SGCZ: variants seen among roughly 807,000 people sequenced by gnomAD.
The protein encoded by SGCZ is sarcoglycan zeta.
A neutral mutation model predicts 41.3 loss-of-function variants in SGCZ; 40 were observed. The observed-to-expected ratio is 0.97, with a 90% CI of 0.75 to 1.26. SGCZ has a LOEUF of 1.26. Among genes scored for constraint, SGCZ ranks in the 50% most tolerant of loss-of-function variants. The pLI is 0.00. For synonymous variants in SGCZ, 206 were observed against 137.5 expected (o/e 1.50, Z -3.49); for missense variants, 552 against 369.8 (o/e 1.49, Z -4.04).
At chr8:14,816,496 T>A (rs1165514990) in intron 1 of SGCZ, among the ~76,000 whole-genome samples, 1 of 152,224 alleles carries the variant, frequency 6.6e-6, no homozygotes, top group Admixed American at 6.5e-5. Flanking sequence ...ACTGTGAAAT[T>A]CAACTTTCTG....
intron 4 of SGCZ, among the ~76,000 whole-genome samples, chr8:14,179,685 A>G (rs1012122760): frequency 2.6e-5 from 4 of 152,204 alleles, no homozygotes; most frequent in African/African-American, 9.6e-5. Context: ...ACAGTCATCA[A>G]ATTCCTGAGA....
At chr8:14,209,586 G>C (rs1409842441) in intron 4 of SGCZ, among the ~76,000 whole-genome samples, 1 of 151,994 alleles carries the variant, frequency 6.6e-6, no homozygotes, top group African/African-American at 2.4e-5. Context: ...TTATGTTTTC[G>C]AAGAATATTT....
intron 4 of SGCZ, among the ~76,000 whole-genome samples, chr8:14,213,752 TTAAA>T (rs1805897179): frequency 6.6e-6 from 1 of 152,156 alleles, no homozygotes; most frequent in Non-Finnish European, 1.5e-5. Flanking sequence ...TACTTAAGAC[TTAAA>T]TATTTGAAGA....
chr8:15,158,558 A>G (rs1799405165), intron 1 of SGCZ, among the ~76,000 whole-genome samples: 2 of 152,234 alleles, frequency 1.3e-5, no homozygotes, highest in Non-Finnish European at 2.9e-5. Flanking sequence ...GCTAAAACCT[A>G]CTGAAGCATA....
At chr8:15,121,812 T>C (rs1563137418) in intron 1 of SGCZ, among the ~76,000 whole-genome samples, 1 of 148,052 alleles carries the variant, frequency 6.8e-6, no homozygotes, top group African/African-American at 2.5e-5. Context: ...AGTGCCAATA[T>C]GAAGGCAGAA....
At chr8:14,426,167 G>A (rs1353559980) in intron 2 of SGCZ, among the ~76,000 whole-genome samples, 1 of 152,072 alleles carries the variant, frequency 6.6e-6, no homozygotes, top group Non-Finnish European at 1.5e-5. Context: ...TAAAAAATAA[G>A]CAAATTTATC....
intron 4 of SGCZ, among the ~76,000 whole-genome samples, chr8:14,181,102 C>G (rs1284590678): frequency 6.6e-6 from 1 of 152,066 alleles, no homozygotes; most frequent in African/African-American, 2.4e-5. Flanking sequence ...AGGCCTGAGG[C>G]CCACAGTAGT....
intron 2 of SGCZ, among the ~76,000 whole-genome samples, chr8:14,345,514 A>C (rs1168581863): frequency 1.3e-5 from 2 of 152,146 alleles, no homozygotes; most frequent in African/African-American, 2.4e-5. Context: ...CAACAAACAC[A>C]TTATCTCTGC....
chr8:14,665,093 T>C (rs1807865913), intron 1 of SGCZ, among the ~76,000 whole-genome samples: 1 of 152,190 alleles, frequency 6.6e-6, no homozygotes, highest in Admixed American at 6.5e-5. Context: ...ATACATGCCA[T>C]GTTGGTGTGC....
At chr8:14,383,379 G>T (rs955939731) in intron 2 of SGCZ, among the ~76,000 whole-genome samples, 1 of 152,200 alleles carries the variant, frequency 6.6e-6, no homozygotes, top group Non-Finnish European at 1.5e-5. Context: ...TTATGGGAAA[G>T]AAGTCTAATG....
intron 1 of SGCZ, among the ~76,000 whole-genome samples, chr8:14,998,491 C>T (rs1199650831): frequency 1.3e-5 from 2 of 151,810 alleles, no homozygotes; most frequent in African/African-American, 4.8e-5. Context: ...TACCTATATG[C>T]AGTGCATTTC....
At chr8:14,121,438 A>G (rs902405692) in intron 5 of SGCZ, among the ~76,000 whole-genome samples, 2 of 152,120 alleles carry the variant, frequency 1.3e-5, no homozygotes, top group Non-Finnish European at 2.9e-5. Flanking sequence ...ATAGAAAATA[A>G]TGCTCTTTTT....
intron 1 of SGCZ, among the ~76,000 whole-genome samples, chr8:15,117,843 C>T (rs1421845138): frequency 2.0e-5 from 3 of 152,176 alleles, no homozygotes; most frequent in Non-Finnish European, 4.4e-5. Flanking sequence ...GGCCAAAAAT[C>T]TCCACGTATT....
intron 2 of SGCZ, among the ~76,000 whole-genome samples, chr8:14,356,498 G>T (rs1420860321): frequency 6.6e-6 from 1 of 152,020 alleles, no homozygotes; most frequent in African/African-American, 2.4e-5. Context: ...AAATCTAGAG[G>T]ACTAAAATGT....
intron 4 of SGCZ, among the ~76,000 whole-genome samples, chr8:14,220,051 T>C (rs1167880586): frequency 6.6e-6 from 1 of 152,178 alleles, no homozygotes; most frequent in Non-Finnish European, 1.5e-5. Context: ...TGACTTAACA[T>C]TGACGGTCCA....
At chr8:14,436,306 A>C (rs1563327982) in intron 2 of SGCZ, among the ~76,000 whole-genome samples, 1 of 152,208 alleles carries the variant, frequency 6.6e-6, no homozygotes, top group African/African-American at 2.4e-5. Flanking sequence ...AGAGCGAAGA[A>C]TAATATTCAG....
intron 5 of SGCZ, among the ~76,000 whole-genome samples, chr8:14,131,597 G>C (rs73522453): frequency 2.0e-5 from 3 of 151,844 alleles, no homozygotes; most frequent in African/African-American, 7.3e-5. Flanking sequence ...TGATTAAAAA[G>C]TGTCTTGTCT....
intron 5 of SGCZ, among the ~76,000 whole-genome samples, chr8:14,155,286 A>T (rs1360082102): frequency 1.3e-5 from 2 of 152,070 alleles, no homozygotes; most frequent in Admixed American, 1.3e-4. Flanking sequence ...TTTTTGTCTG[A>T]TATAATATAG....
At chr8:15,012,134 A>G (rs889614548) in intron 1 of SGCZ, among the ~76,000 whole-genome samples, 10 of 152,252 alleles carry the variant, frequency 6.6e-5, no homozygotes, top group South Asian at 2.1e-4. Flanking sequence ...GTACATGCAC[A>G]TATGTTTATT....
Sources: gnomAD v4.1 joint callset for allele counts (sites outside exome capture counted in the v4.1 genomes callset) on GRCh38, gnomAD v4.1.1 for gene constraint, MANE v1.5 for transcripts, NCBI Gene and HGNC (gene_info 2026-07-23, HGNC 2026-07-21) for gene names.